RMDN2: variants seen among roughly 807,000 people sequenced by gnomAD.
RMDN2 encodes regulator of microtubule dynamics 2.
In RMDN2, 61 loss-of-function variants were observed where a neutral mutation model predicts 52.8. The ratio of observed to expected loss-of-function variants is 1.16; its 90% CI spans 0.94 to 1.43. The LOEUF is 1.43. Among genes scored for constraint, RMDN2 ranks in the 40% most tolerant of loss-of-function variants. The pLI is 0.00. For missense variants in RMDN2, 592 were observed against 475.3 expected (o/e 1.25, Z -2.28); for synonymous variants, 180 against 153.1 (o/e 1.18, Z -1.30).
intron 10 of RMDN2, among the ~76,000 whole-genome samples, chr2:38,034,125 G>T (rs1680412243): frequency 6.6e-6 from 1 of 152,252 alleles, no homozygotes; most frequent in Non-Finnish European, 1.5e-5. Flanking sequence ...TCACCACTGT[G>T]CTGAGGCAAG....
At chr2:38,041,101 G>C (rs561140931) in intron 10 of RMDN2, among the ~76,000 whole-genome samples, 2 of 152,212 alleles carry the variant, frequency 1.3e-5, no homozygotes, top group African/African-American at 4.8e-5. Context: ...AAGGAGGTTT[G>C]GGTTCATTTT....
chr2:37,953,285 C>T (rs188799166), intron 2 of RMDN2, among the ~76,000 whole-genome samples: 2 of 152,074 alleles, frequency 1.3e-5, no homozygotes, highest in East Asian at 3.9e-4. Context: ...CACCACCATC[C>T]GTTTCCACAA....
At chr2:37,988,871 A>T (rs757142144) in intron 5 of RMDN2, among the ~76,000 whole-genome samples, 3 of 152,196 alleles carry the variant, frequency 2.0e-5, no homozygotes, top group Non-Finnish European at 4.4e-5. Context: ...AAAGTCAAAT[A>T]ACTATTTGTA....
intron 2 of RMDN2, among the ~76,000 whole-genome samples, chr2:37,971,086 T>A (rs527255094): frequency 4.5e-4 from 69 of 152,220 alleles, no homozygotes; most frequent in African/African-American, 1.6e-3. Flanking sequence ...TTTTTTCTTT[T>A]GTCACTTGTG....
intron 2 of RMDN2, among the ~76,000 whole-genome samples, chr2:37,956,349 A>G (rs995891890): frequency 6.6e-6 from 1 of 151,996 alleles, no homozygotes; most frequent in Non-Finnish European, 1.5e-5. Flanking sequence ...AATTCTTCAT[A>G]TTACTCTTAT....
intron 10 of RMDN2, among the ~76,000 whole-genome samples, chr2:38,014,717 G>A (rs1678499763): frequency 6.6e-6 from 1 of 152,162 alleles, no homozygotes; most frequent in Non-Finnish European, 1.5e-5. Flanking sequence ...TTGAATATGT[G>A]TGTTTGGGTG....
chr2:38,039,371 T>G (rs1218895938), intron 10 of RMDN2: 1 of 152,142 alleles, frequency 6.6e-6, no homozygotes, highest in Non-Finnish European at 1.5e-5. Flanking sequence ...ATACAGTCTT[T>G]TCAGTTCTTC....
intron 10 of RMDN2, among the ~76,000 whole-genome samples, chr2:38,009,884 G>A (rs1401536323): frequency 1.3e-5 from 2 of 152,152 alleles, no homozygotes; most frequent in East Asian, 1.9e-4. Context: ...TACAGATGGG[G>A]TTTTGGTGTG....
chr2:38,028,802 C>G (rs1301017570), intron 10 of RMDN2, among the ~76,000 whole-genome samples: 1 of 152,156 alleles, frequency 6.6e-6, no homozygotes, highest in Non-Finnish European at 1.5e-5. Context: ...CAAGCAAGCC[C>G]CTTTTTATAT....
At chr2:38,010,303 C>G (rs938396782) in intron 10 of RMDN2, among the ~76,000 whole-genome samples, 7 of 152,204 alleles carry the variant, frequency 4.6e-5, no homozygotes, top group Non-Finnish European at 8.8e-5. Flanking sequence ...AGCCCTGCCC[C>G]CAGAGGTGGA....
chr2:37,951,572 C>T, intron 2 of RMDN2: 3 of 1,612,978 alleles, frequency 1.9e-6, no homozygotes, highest in Non-Finnish European at 1.7e-6. Flanking sequence ...ATTGTGGTAG[C>T]TTTATTTCCC....
intron 10 of RMDN2, among the ~76,000 whole-genome samples, chr2:38,026,786 T>G (rs879591970): frequency 1.3e-5 from 2 of 152,210 alleles, no homozygotes; most frequent in African/African-American, 2.4e-5. Flanking sequence ...CATTTAGTGC[T>G]ATAAATTTCT....
At position 37,974,068 on chromosome 2, in the gene RMDN2, G is replaced by A. The variant is rs370299181; in HGVS notation, c.481G>A (p.Glu161Lys). The A allele has an allele frequency of 1.1e-5, 17 of 1,610,604 alleles. No individual in the cohort carries two copies. In the African/African-American group the frequency reaches 2.1e-4, roughly 20 times the overall value. ...TATTACAGCTAATACTGACACAGAAGAACAGAGTTTTCCAGTCCCTAAGGC... is the reference window on the plus strand; with the variant it reads ...TATTACAGCTAATACTGACACAGAAAAACAGAGTTTTCCAGTCCCTAAGGC... Reference protein sequence around the residue: ...GYITANTDTEEQSFPVPKAFN... With the variant: ...GYITANTDTEKQSFPVPKAFN... The change falls in exon 3 of 11, where the codon GAA becomes AAA. Residue 161 changes from glutamate (E) to lysine (K), a missense_variant. By Grantham distance (56) the Glu-to-Lys change is moderately conservative. Coordinates refer to ENST00000354545, the MANE Select transcript of RMDN2 (RefSeq NM_001170791.3).
intron 1 of RMDN2, among the ~76,000 whole-genome samples, chr2:37,928,042 A>G (rs534536478): frequency 3.3e-5 from 5 of 152,208 alleles, no homozygotes; most frequent in East Asian, 1.9e-4. Context: ...TTTCTCTGGA[A>G]TCTTTGGTTT....
chr2:38,048,450 G>A (rs1445746917), intron 10 of RMDN2, among the ~76,000 whole-genome samples: 3 of 152,204 alleles, frequency 2.0e-5, no homozygotes, highest in Non-Finnish European at 2.9e-5. Flanking sequence ...ACTTCAGGAA[G>A]CTTTCAGGAT....
chr2:38,003,586 A>AGATC (rs991860326), intron 8 of RMDN2, among the ~76,000 whole-genome samples: 10 of 151,876 alleles, frequency 6.6e-5, no homozygotes, highest in African/African-American at 2.4e-4. Flanking sequence ...ATAGATAGAT[A>AGATC]GATAGATAGA....
chr2:37,951,660 A>G, intron 2 of RMDN2: 1 of 1,613,424 alleles, frequency 6.2e-7, no homozygotes, highest in Non-Finnish European at 8.5e-7. Flanking sequence ...TCCTCAAGCA[A>G]GTGGCCAGAA....
intron 10 of RMDN2, among the ~76,000 whole-genome samples, chr2:38,046,543 C>T (rs1681282137): frequency 6.6e-6 from 1 of 152,018 alleles, no homozygotes; most frequent in East Asian, 1.9e-4. Flanking sequence ...ACAAAGAAAT[C>T]CACATCTAAG....
intron 10 of RMDN2, among the ~76,000 whole-genome samples, chr2:38,029,012 A>T (rs1009240996): frequency 6.6e-6 from 1 of 152,128 alleles, no homozygotes; most frequent in African/African-American, 2.4e-5. Flanking sequence ...AGAACAGGAG[A>T]CTGGGCGGGC....
Sources: allele counts gnomAD v4.1 joint callset (sites outside exome capture counted in the v4.1 genomes callset), GRCh38; gene constraint gnomAD v4.1.1; transcripts MANE v1.5; gene names NCBI Gene and HGNC (gene_info 2026-07-23, HGNC 2026-07-21).